The following PKD1L1 variants were observed in gnomAD, a reference collection of about 807,000 sequenced individuals.
PKD1L1 encodes the protein polycystin 1 like 1, transient receptor potential channel interacting, also known as polycystin-1-like protein 1.
A neutral mutation model predicts 323.4 loss-of-function variants in PKD1L1; 236 were observed. The ratio of observed to expected loss-of-function variants is 0.73; its 90% CI spans 0.66 to 0.81. The LOEUF (loss-of-function observed/expected upper bound fraction) is 0.81. PKD1L1 is among the 40% of genes least tolerant of loss of function. The pLI is 0.00. For missense variants in PKD1L1, 3,320 were observed against 3,508.0 expected (o/e 0.95, Z 1.35); for synonymous variants, 1,344 against 1,335.0 (o/e 1.01, Z -0.15).
In PKD1L1 at chr7:47,796,023, GGT is replaced by G. The variant is rs761064965; in HGVS notation, c.8319_8320del (p.Pro2774LysfsTer6). ...AACCATCTCAGCCTCTTCCAACTTT[GGT>G]GTTTCCAGTCTCAGAAAGGTGAGGA... On this transcript the variant is annotated frameshift_variant, in exon 55 of 57. Coordinates refer to ENST00000289672, the MANE Select transcript of PKD1L1 (RefSeq NM_138295.5). LOFTEE classifies it high-confidence loss of function. The G allele has an allele frequency of 1.2e-6, 2 of 1,613,180 alleles. No individual in the cohort carries two copies. The highest frequency in any genetic ancestry group is 4.5e-5 in the East Asian group (2 of 44,870).
At chr7:47,861,849 C>G (rs1354380875) in intron 26 of PKD1L1, among the ~76,000 whole-genome samples, 3 of 134,174 alleles carry the variant, frequency 2.2e-5, no homozygotes, top group African/African-American at 8.3e-5. Flanking sequence ...CCACTACACT[C>G]CAGCCTGGGC....
At chr7:47,918,011 C>T (rs1009391099) in intron 7 of PKD1L1, among the ~76,000 whole-genome samples, 1 of 152,060 alleles carries the variant, frequency 6.6e-6, no homozygotes, top group African/African-American at 2.4e-5. Flanking sequence ...TGTAAATGAC[C>T]TAAATGCTCC....
intron 3 of PKD1L1, 50 bp downstream of exon 3, chr7:47,940,143 A>C (rs754850537): frequency 6.2e-7 from 1 of 1,612,146 alleles, no homozygotes; most frequent in Non-Finnish European, 8.5e-7. Context: ...TGTACTGTAC[A>C]TGTACTGTAT....
In PKD1L1 at chr7:47,932,043, G is replaced by C. The variant is rs749135355; in HGVS notation, c.412C>G (p.Pro138Ala). ...DNSADRIPHKPFIIIARAWSS... is the reference protein window; with the variant it reads ...DNSADRIPHKAFIIIARAWSS... ...CAGGCCCTTGCGATTATAATGAAAG[G>C]TTTGTGGGGAATTCTGTATGGGAAG... The change falls in exon 5 of 57, where the codon CCT becomes GCT. Residue 138 changes from proline to alanine, a missense_variant. Physicochemically the swap from Pro to Ala is conservative, Grantham distance 27 (BLOSUM62 -1). Transcript: ENST00000289672. 4 of 1,609,586 alleles carry C rather than the reference G, an allele frequency of 2.5e-6. No individual in the cohort carries two copies. Among genetic ancestry groups the C allele is most frequent in the Non-Finnish European group, 3.4e-6 (4 of 1,178,144 alleles).
intron 7 of PKD1L1, among the ~76,000 whole-genome samples, chr7:47,920,514 T>C (rs973975378): frequency 6.6e-6 from 1 of 151,974 alleles, no homozygotes; most frequent in African/African-American, 2.4e-5. Context: ...AACACCACCA[T>C]CATCTTCACA....
rs922756469 is a variant in PKD1L1, at chr7:47,931,950, A to G, written c.505T>C (p.Ser169Pro). The stretch of plus-strand genomic sequence containing the variant: ...TAGATACCAACCTGGAGAAGAGCAG[A>G]GAATGTGCTGTCTGCGGTCCCAGTA... Reference protein sequence around the residue: ...CATGTADSTFSALLQLQGTTS... With the variant: ...CATGTADSTFPALLQLQGTTS... Residue 169 changes from serine (S) to proline (P), a missense_variant, in exon 5 of 57, where the codon TCT (serine) becomes CCT (proline). By Grantham distance (74) the Ser-to-Pro change is moderately conservative. Coordinates refer to ENST00000289672, the MANE Select transcript of PKD1L1 (RefSeq NM_138295.5). The G allele has an allele frequency of 5.0e-6, 8 of 1,613,292 alleles. No individual in the cohort carries two copies. The Middle Eastern group carries it at 5.0e-4, about 100-fold the overall frequency.
In PKD1L1 at chr7:47,936,285, A is replaced by C. The variant is rs562087216; in HGVS notation, c.398+561T>G. 2.0e-5 allele frequency among the ~76,000 whole-genome samples: 3 copies of C among 152,280 alleles called. No homozygotes were observed. In the South Asian group the frequency reaches 6.2e-4, roughly 32 times the overall value. On this transcript the variant is annotated intron_variant, in intron 4 of 56. Coordinates refer to ENST00000289672, the MANE Select transcript of PKD1L1 (RefSeq NM_138295.5). ...TACATTTTTAGGACTTACCCATCCT[A>C]CAAAACTGAAGCTCTGTGCCCATTA...
In PKD1L1 at chr7:47,821,191, A is replaced by G; in HGVS notation, c.6855-5T>C. On this transcript the variant is annotated splice_polypyrimidine_tract_variant and splice_region_variant and intron_variant, in intron 45 of 56. Coordinates refer to ENST00000289672, the MANE Select transcript of PKD1L1 (RefSeq NM_138295.5). ...AGGATGTCCATGGAAATGTCTCTGT[A>G]AGAAGAGTTTTTAAGTTAGCATCCA... The G allele has an allele frequency of 6.3e-7, 1 of 1,583,776 alleles. No individual in the cohort carries two copies. Among genetic ancestry groups the G allele is most frequent in the Non-Finnish European group, 8.7e-7 (1 of 1,153,128 alleles).
At chr7:47,934,234 A>C (rs1227383251) in intron 4 of PKD1L1, among the ~76,000 whole-genome samples, 1 of 152,246 alleles carries the variant, frequency 6.6e-6, no homozygotes, top group Non-Finnish European at 1.5e-5. Context: ...AGCTCCATGT[A>C]GCTCATGGCT....
chr7:47,782,136 C>T (rs1322234100), intron 56 of PKD1L1, among the ~76,000 whole-genome samples: 2 of 152,184 alleles, frequency 1.3e-5, no homozygotes, highest in African/African-American at 2.4e-5. Flanking sequence ...CCCCTCTCCA[C>T]TCTGACCCAC....
At position 47,774,930 on chromosome 7, in the gene PKD1L1, C is replaced by T. The variant is rs1278556291; in HGVS notation, c.*213G>A. 27 of 583,542 alleles carry T rather than the reference C, an allele frequency of 4.6e-5. No individual in the cohort carries two copies. In the East Asian group the frequency reaches 5.1e-4, roughly 11 times the overall value. 36.1% of individuals were successfully genotyped at this position (583,542 alleles called of 1,614,324 possible). ...AATCTTGTCCCACATCTGAACTCTC[C>T]GAATGGTGATTATGAGTAACAGTCT... On this transcript the variant is annotated 3_prime_UTR_variant, in exon 57 of 57. Coordinates refer to ENST00000289672, the MANE Select transcript of PKD1L1 (RefSeq NM_138295.5).
intron 13 of PKD1L1, among the ~76,000 whole-genome samples, chr7:47,898,898 TAAA>T (rs781611829): frequency 7.2e-6 from 1 of 139,108 alleles, no homozygotes. Context: ...GTTCTTTTGC[TAAA>T]AAAAAAAAAG....
chr7:47,806,725 C>T (rs1397738452), intron 52 of PKD1L1, among the ~76,000 whole-genome samples: 1 of 152,234 alleles, frequency 6.6e-6, no homozygotes, highest in African/African-American at 2.4e-5. Context: ...TGGCCTTGGC[C>T]AGCCCAGCTC....
intron 11 of PKD1L1, 39 bp from the exon 12 acceptor site, chr7:47,904,656 C>T (rs750779220): frequency 1.0e-5 from 16 of 1,584,276 alleles, no homozygotes; most frequent in Non-Finnish European, 1.4e-5. Context: ...AGGCAGATGG[C>T]AAGACAAGAA....
chr7:47,936,355 C>A (rs547174693), intron 4 of PKD1L1, among the ~76,000 whole-genome samples: 1 of 152,170 alleles, frequency 6.6e-6, no homozygotes, highest in Non-Finnish European at 1.5e-5. Flanking sequence ...GCAACCACCC[C>A]ACTCTCCTTT....
At chr7:47,904,170 A>T (rs1299525611) in intron 12 of PKD1L1, among the ~76,000 whole-genome samples, 1 of 152,144 alleles carries the variant, frequency 6.6e-6, no homozygotes, top group African/African-American at 2.4e-5. Context: ...CAGCCCCTGT[A>T]CTGAAAGCAT....
rs142691605 is a variant in PKD1L1, at chr7:47,802,625, G to C, written c.7962+585C>G. ...CTGATTGCAATTCTTTGCTGTACTA[G>C]GGCCTGTCAGGTTGGAGAAAGCTCT... On this transcript the variant is annotated intron_variant, in intron 53 of 56. Transcript: ENST00000289672. Among the ~76,000 whole-genome samples, 49 of 152,318 alleles carry C rather than the reference G, an allele frequency of 3.2e-4. 1 individual carries two copies. Among genetic ancestry groups the C allele is most frequent in the African/African-American group, 9.9e-4 (41 of 41,586 alleles).
At chr7:47,822,434 C>A (rs1215638088) in intron 45 of PKD1L1, among the ~76,000 whole-genome samples, 5 of 145,538 alleles carry the variant, frequency 3.4e-5, no homozygotes, top group African/African-American at 2.5e-5. Context: ...ACTAAAAATA[C>A]AAAAAAAAAA....
chr7:47,800,780 C>G lies in PKD1L1; in HGVS notation c.8062G>C (p.Gly2688Arg). Residue 2688 changes from glycine (G) to arginine (R), a missense_variant, in exon 54 of 57, where the codon GGG becomes CGG. By Grantham distance (125) the Gly-to-Arg change is moderately radical. Transcript: ENST00000289672. ...CTTCTGGGAAAATGAAACAGCAGCC[C>G]GGGGAAGGCGTCTGTGAAGGTGCCA... ...PPGTFTDAFP[G>R]LLFHFPRRSQ... 2 of 1,613,966 alleles carry G rather than the reference C, an allele frequency of 1.2e-6. No individual in the cohort carries two copies. The highest frequency in any genetic ancestry group is 1.7e-6 in the Non-Finnish European group (2 of 1,179,986).
Sources: allele counts gnomAD v4.1 joint callset (sites outside exome capture counted in the v4.1 genomes callset), GRCh38; gene constraint gnomAD v4.1.1; transcripts MANE v1.5; gene names NCBI Gene and HGNC (gene_info 2026-07-23, HGNC 2026-07-21).